COG5: variants seen among roughly 807,000 people sequenced by gnomAD.
The protein encoded by COG5 is conserved oligomeric Golgi complex subunit 5.
A neutral mutation model predicts 110.4 loss-of-function variants in COG5; 86 were observed. The observed-to-expected ratio is 0.78, with a 90% CI of 0.65 to 0.93. The LOEUF is 0.93. Among genes scored for constraint, COG5 ranks in the 40% least tolerant of loss-of-function variants. COG5 has a pLI of 0.00. For synonymous variants in COG5, 360 were observed against 334.6 expected (o/e 1.08, Z -0.83); for missense variants, 1,077 against 987.0 (o/e 1.09, Z -1.22).
At chr7:107,493,981 A>AG (rs1225045578) in intron 6 of COG5, among the ~76,000 whole-genome samples, 3 of 152,172 alleles carry the variant, frequency 2.0e-5, no homozygotes, top group Non-Finnish European at 4.4e-5. Context: ...TCCACAAGAC[A>AG]TGTCATCTTT....
chr7:107,223,001 G>C (rs1163335410), intron 19 of COG5, among the ~76,000 whole-genome samples: 3 of 152,102 alleles, frequency 2.0e-5, no homozygotes. Context: ...GTAAAGTAAG[G>C]CAAAAATCCT....
At chr7:107,454,301 G>A (rs1203290973) in intron 6 of COG5, among the ~76,000 whole-genome samples, 1 of 152,120 alleles carries the variant, frequency 6.6e-6, no homozygotes, top group Non-Finnish European at 1.5e-5. Context: ...TCTACAGATG[G>A]AAGTCTAGTA....
At chr7:107,327,939 T>C (rs907717555) in intron 10 of COG5, among the ~76,000 whole-genome samples, 3 of 152,182 alleles carry the variant, frequency 2.0e-5, no homozygotes, top group Admixed American at 6.5e-5. Context: ...TCTGGGTATA[T>C]AAGTAAAAGA....
chr7:107,554,790 A>G (rs866890881), intron 2 of COG5, among the ~76,000 whole-genome samples: 3 of 152,124 alleles, frequency 2.0e-5, no homozygotes, highest in South Asian at 2.1e-4. Context: ...CCAATATGAT[A>G]TGATAGTATT....
At chr7:107,553,483 T>C (rs1357091047) in intron 3 of COG5, among the ~76,000 whole-genome samples, 1 of 152,174 alleles carries the variant, frequency 6.6e-6, no homozygotes, top group Admixed American at 6.6e-5. Context: ...GAATACTGCA[T>C]CACAGAAAAC....
chr7:107,380,405 T>C (rs569308113), intron 7 of COG5, among the ~76,000 whole-genome samples: 6 of 151,640 alleles, frequency 4.0e-5, no homozygotes, highest in South Asian at 4.2e-4. Flanking sequence ...ATTAACAAAA[T>C]AGACCACTAG....
At chr7:107,302,615 A>G (rs1018031977) in intron 11 of COG5, among the ~76,000 whole-genome samples, 2 of 152,172 alleles carry the variant, frequency 1.3e-5, no homozygotes, top group African/African-American at 4.8e-5. Context: ...TAAAGCAGCA[A>G]TGCACCATGG....
At chr7:107,548,002 C>T (rs2129172894) in intron 5 of COG5, 109 bp downstream of exon 5, 2 of 895,530 alleles carry the variant, frequency 2.2e-6, no homozygotes, top group Middle Eastern at 3.4e-4. Context: ...TTTTCTCTTA[C>T]CTTCTGTTCC....
At chr7:107,269,253 A>T (rs914968334) in intron 14 of COG5, among the ~76,000 whole-genome samples, 1 of 151,910 alleles carries the variant, frequency 6.6e-6, no homozygotes, top group Non-Finnish European at 1.5e-5. Context: ...AGGCGGGGGG[A>T]TCACGAGGTC....
chr7:107,534,453 T>A (rs1375474155), intron 5 of COG5, among the ~76,000 whole-genome samples: 2 of 141,160 alleles, frequency 1.4e-5, no homozygotes, highest in Non-Finnish European at 1.5e-5. Flanking sequence ...AGGCTGAAAA[T>A]AAAGGGATGG....
intron 6 of COG5, among the ~76,000 whole-genome samples, chr7:107,462,203 C>A (rs1796033541): frequency 6.6e-6 from 1 of 152,102 alleles, no homozygotes; most frequent in Admixed American, 6.6e-5. Flanking sequence ...CTGGGGAAGA[C>A]AATACTAGAC....
chr7:107,439,962 C>T (rs903517372), intron 6 of COG5, among the ~76,000 whole-genome samples: 7 of 152,212 alleles, frequency 4.6e-5, no homozygotes, highest in African/African-American at 1.4e-4. Flanking sequence ...AATCGACACA[C>T]TGTCTACCCT....
intron 6 of COG5, among the ~76,000 whole-genome samples, chr7:107,484,036 A>T (rs1797506369): frequency 6.6e-6 from 1 of 152,126 alleles, no homozygotes; most frequent in Non-Finnish European, 1.5e-5. Flanking sequence ...AATTTTATTT[A>T]TATATATCCT....
At chr7:107,205,868 G>T (rs1421935303) in intron 21 of COG5, among the ~76,000 whole-genome samples, 1 of 152,156 alleles carries the variant, frequency 6.6e-6, no homozygotes. Flanking sequence ...ATCCCTGAAG[G>T]CTGGCTCCAT....
intron 6 of COG5, among the ~76,000 whole-genome samples, chr7:107,459,694 G>A (rs1225787661): frequency 6.6e-6 from 1 of 151,936 alleles, no homozygotes; most frequent in Non-Finnish European, 1.5e-5. Context: ...TACCTGGGAG[G>A]CTGAGGAAGG....
At chr7:107,563,150 C>A (rs1177163050) in intron 1 of COG5, among the ~76,000 whole-genome samples, 1 of 152,134 alleles carries the variant, frequency 6.6e-6, no homozygotes, top group Non-Finnish European at 1.5e-5. Flanking sequence ...TATATTATAT[C>A]TAACTTTTCT....
rs530323655 is a variant in COG5 at position 107,414,703 on chromosome 7, CTTTTTTTTTTTTTTTTTTTTTTTTTT to C, written c.539-2097_539-2072del. Among the ~76,000 whole-genome samples, 315 of 61,724 alleles carry C rather than the reference CTTTTTTTTTTTTTTTTTTTTTTTTTT, an allele frequency of 5.1e-3. 4 individuals are homozygous for C. The highest frequency in any genetic ancestry group is 9.6e-3 in the Non-Finnish European group (251 of 26,232). 40.5% of individuals were successfully genotyped at this position (61,724 alleles called of 152,430 possible). On this transcript the variant is annotated intron_variant, in intron 6 of 21. Transcript: ENST00000297135. ...ATTGATTCCAAAATCCTCACTGTCC[CTTTTTTTTTTTTTTTTTTTTTTTTTT>C]TTTTTTTTTTTTTTCCGAGACTCAG... is the stretch of plus-strand genomic sequence containing the variant.
chr7:107,510,813 GA>G (rs1799442176), intron 6 of COG5, among the ~76,000 whole-genome samples: 1 of 152,164 alleles, frequency 6.6e-6, no homozygotes, highest in Non-Finnish European at 1.5e-5. Context: ...ATAACGAAAT[GA>G]AGGCAGAAAT....
At chr7:107,508,895 G>A (rs913612545) in intron 6 of COG5, among the ~76,000 whole-genome samples, 12 of 152,102 alleles carry the variant, frequency 7.9e-5, no homozygotes, top group Non-Finnish European at 1.6e-4. Context: ...AAACCCTTCT[G>A]TACATCACCA....
Sources: allele counts gnomAD v4.1 joint callset (sites outside exome capture counted in the v4.1 genomes callset), GRCh38; gene constraint gnomAD v4.1.1; transcripts MANE v1.5; gene names NCBI Gene and HGNC (gene_info 2026-07-23, HGNC 2026-07-21).